The following ZNF676 variants were observed in gnomAD, a reference collection of about 807,000 sequenced individuals.
ZNF676 encodes the protein zinc finger protein 676.
ZNF676 carries 4 observed loss-of-function variants against 6.0 expected under a neutral mutation model. The ratio of observed to expected loss-of-function variants is 0.67; its 90% CI spans 0.33 to 1.53. ZNF676 has a LOEUF of 1.53. ZNF676 is among the 40% of genes most tolerant of loss of function. ZNF676 has a pLI of 0.06. For synonymous variants in ZNF676, 198 were observed against 223.1 expected, an observed-to-expected ratio of 0.89 and a Z score of 1.00; for missense variants, 644 against 679.7, an observed-to-expected ratio of 0.95 and a Z score of 0.58.
the ZNF676 span, chr19:22,243,602 G>A: frequency 0.58 from 88,468 of 151,576 alleles, 26,839 homozygotes; most frequent in South Asian, 0.85. Context: ...CTGTGTGCTG[G>A]GCTCTGTTGG....
the ZNF676 span, among the ~76,000 whole-genome samples, chr19:22,240,928 C>G: frequency 1.3e-5 from 2 of 151,988 alleles, no homozygotes; most frequent in Admixed American, 6.5e-5. Flanking sequence ...CATAATGTCC[C>G]CTGTAGGAAA....
the ZNF676 span, among the ~76,000 whole-genome samples, chr19:22,249,780 C>T: frequency 2.0e-5 from 3 of 149,932 alleles, no homozygotes; most frequent in Admixed American, 2.0e-4. Context: ...TTTTTTAAAG[C>T]ACAGATCTGT....
chr19:22,242,669 T>G, the ZNF676 span, among the ~76,000 whole-genome samples: 126 of 152,070 alleles, frequency 8.3e-4, no homozygotes, highest in Middle Eastern at 3.4e-3. Context: ...TCACACAGGT[T>G]TTGGGTCTAG....
intron 2 of ZNF676, among the ~76,000 whole-genome samples, chr19:22,187,231 C>T (rs2023851335): frequency 6.6e-6 from 1 of 152,098 alleles, no homozygotes; most frequent in Non-Finnish European, 1.5e-5. Context: ...CAAAACCGTA[C>T]AATTACATGG....
chr19:22,241,895 T>G, the ZNF676 span, among the ~76,000 whole-genome samples: 3 of 151,548 alleles, frequency 2.0e-5, no homozygotes, highest in Non-Finnish European at 4.4e-5. Flanking sequence ...TCAAGAACTC[T>G]CCAGTACACT....
At chr19:22,227,692 C>T in the ZNF676 span, among the ~76,000 whole-genome samples, 1 of 152,048 alleles carries the variant, frequency 6.6e-6, no homozygotes, top group East Asian at 1.9e-4. Context: ...GGCACTGATC[C>T]CACAGAAATA....
At chr19:22,223,506 T>C in the ZNF676 span, among the ~76,000 whole-genome samples, 1 of 150,510 alleles carries the variant, frequency 6.6e-6, no homozygotes, top group African/African-American at 2.4e-5. Flanking sequence ...GATAAGAAAA[T>C]AGGTCACCTT....
At chr19:22,218,241 G>A (rs2024213347), upstream of ZNF676, among the ~76,000 whole-genome samples, 1 of 152,130 alleles carries the variant, frequency 6.6e-6, no homozygotes, top group Admixed American at 6.6e-5. Flanking sequence ...TTTTTTCAAT[G>A]CTTTAGAATT....
chr19:22,180,582 T>C lies in ZNF676; in HGVS notation c.1135A>G (p.Thr379Ala), dbSNP rs774684600. 6.8e-6 allele frequency: 11 copies of C among 1,612,176 alleles called. No individual in the cohort carries two copies. Among genetic ancestry groups the C allele is most frequent in the Admixed American group, 6.7e-5 (4 of 59,810 alleles). Residue 379 changes from threonine (T) to alanine (A), a missense_variant, in exon 3 of 3, where the codon ACC (threonine) becomes GCC (alanine). Coordinates refer to ENST00000397121, the MANE Select transcript of ZNF676 (RefSeq NM_001001411.3). ...TGAATTGCCTTATGTGTATTAAGGG[T>C]TGAGACCTTACTAAAGGCTTTGCCA... ...GCGKAFSKVS[T>A]LNTHKAIHAE...
chr19:22,229,556 TGAACAGGCAA>T, the ZNF676 span, among the ~76,000 whole-genome samples: 7 of 152,074 alleles, frequency 4.6e-5, no homozygotes, highest in African/African-American at 1.7e-4. Flanking sequence ...ATCATCAGAG[TGAACAGGCAA>T]CCTATGGAAT....
the ZNF676 span, among the ~76,000 whole-genome samples, chr19:22,247,221 T>C: frequency 2.0e-5 from 3 of 152,054 alleles, no homozygotes; most frequent in African/African-American, 7.2e-5. Context: ...AGACCTCTCT[T>C]AATAAAAAGC....
At chr19:22,182,333 C>T (rs1348818423) in intron 2 of ZNF676, among the ~76,000 whole-genome samples, 9 of 151,696 alleles carry the variant, frequency 5.9e-5, no homozygotes, top group Non-Finnish European at 1.0e-4. Flanking sequence ...TTTAAATGTC[C>T]AAATCTCAAA....
exon 1 of ZNF676, chr19:22,215,721 G>A (rs1327121363): frequency 1.8e-5 from 28 of 1,550,426 alleles, no homozygotes; most frequent in Non-Finnish European, 2.4e-5. Flanking sequence ...GGGACTCTAG[G>A]AACAGTAAGG....
chr19:22,189,299 C>T (rs922663286), intron 2 of ZNF676, among the ~76,000 whole-genome samples: 1 of 152,024 alleles, frequency 6.6e-6, no homozygotes, highest in African/African-American at 2.4e-5. Flanking sequence ...AACTTGCTAG[C>T]CATATGCAGA....
At chr19:22,206,541 A>G (rs1236619012) in intron 1 of ZNF676, among the ~76,000 whole-genome samples, 2 of 151,954 alleles carry the variant, frequency 1.3e-5, no homozygotes, top group African/African-American at 4.8e-5. Context: ...TGGGCATGGT[A>G]GCACACACCT....
intron 1 of ZNF676, among the ~76,000 whole-genome samples, chr19:22,205,671 A>C (rs892258743): frequency 2.6e-5 from 4 of 152,178 alleles, no homozygotes; most frequent in Non-Finnish European, 4.4e-5. Context: ...TGTTAAAAGA[A>C]AAATTTATAT....
intron 2 of ZNF676, among the ~76,000 whole-genome samples, chr19:22,182,593 A>AAAAAAAAAAAAAAACAAAAAAC (rs1356303631): frequency 1.1e-5 from 1 of 90,926 alleles, no homozygotes; most frequent in African/African-American, 4.5e-5. Context: ...TCTAAAAAAA[A>AAAAAAAAAAAAAAACAAAAAAC]AAAAAAAAAG....
At chr19:22,253,392 ATATGATAATGTG>A in the ZNF676 span, among the ~76,000 whole-genome samples, 3,711 of 48,982 alleles carry the variant, frequency 0.076, 67 homozygotes, top group East Asian at 0.14. Context: ...ATATATATAT[ATATGATAATGTG>A]TATATATATA....
chr19:22,218,365 C>T (rs1367748496), upstream of ZNF676, among the ~76,000 whole-genome samples: 2 of 152,020 alleles, frequency 1.3e-5, no homozygotes, highest in Non-Finnish European at 2.9e-5. Context: ...GACGGAGTCT[C>T]GCTCTGTTCC....
Sources: allele counts gnomAD v4.1 joint callset (sites outside exome capture counted in the v4.1 genomes callset), GRCh38; gene constraint gnomAD v4.1.1; transcripts MANE v1.5; gene names NCBI Gene and HGNC (gene_info 2026-07-23, HGNC 2026-07-21).